The following CAMKMT variants were observed in gnomAD, a reference collection of about 807,000 sequenced individuals.
The protein encoded by CAMKMT is CaM KMT.
A neutral mutation model predicts 48.0 loss-of-function variants in CAMKMT; 53 were observed. That is an observed-to-expected ratio of 1.10 (90% CI 0.89 to 1.39). CAMKMT has a LOEUF of 1.39. Ranked by LOEUF, CAMKMT falls within the 40% of genes most tolerant of loss-of-function variation. CAMKMT has a pLI of 0.00. For missense variants in CAMKMT, 428 were observed against 402.7 expected (o/e 1.06, Z -0.54); for synonymous variants, 165 against 152.3 (o/e 1.08, Z -0.61).
At chr2:44,504,473 C>G (rs1015783023) in intron 3 of CAMKMT, among the ~76,000 whole-genome samples, 3 of 152,116 alleles carry the variant, frequency 2.0e-5, no homozygotes, top group African/African-American at 7.2e-5. Flanking sequence ...TGGCTTTAGA[C>G]AAGTGTAATT....
chr2:44,414,696 T>G (rs190589829), intron 3 of CAMKMT, among the ~76,000 whole-genome samples: 1 of 152,172 alleles, frequency 6.6e-6, no homozygotes, highest in Non-Finnish European at 1.5e-5. Context: ...GGTGGAAATA[T>G]GAAGATGCAA....
chr2:44,545,166 G>C (rs757785915), intron 3 of CAMKMT, among the ~76,000 whole-genome samples: 1 of 152,186 alleles, frequency 6.6e-6, no homozygotes, highest in Non-Finnish European at 1.5e-5. Context: ...CTCTGTCACG[G>C]TATGGGGCAA....
chr2:44,388,228 A>G (rs935823226), intron 2 of CAMKMT, among the ~76,000 whole-genome samples: 6 of 151,660 alleles, frequency 4.0e-5, no homozygotes. Flanking sequence ...TCTTTGTTGG[A>G]TTGGGTTAAT....
chr2:44,379,100 C>T (rs1382992534), intron 2 of CAMKMT, among the ~76,000 whole-genome samples: 1 of 152,166 alleles, frequency 6.6e-6, no homozygotes, highest in African/African-American at 2.4e-5. Context: ...CCCTGGCAAC[C>T]AGTACTTGAC....
chr2:44,477,743 A>G (rs1194056176), intron 3 of CAMKMT, among the ~76,000 whole-genome samples: 1 of 152,248 alleles, frequency 6.6e-6, no homozygotes, highest in Non-Finnish European at 1.5e-5. Context: ...ATTTGAAGAA[A>G]ATGGTGCCAG....
chr2:44,493,506 C>A (rs1669613095), intron 3 of CAMKMT, among the ~76,000 whole-genome samples: 1 of 152,094 alleles, frequency 6.6e-6, no homozygotes, highest in Admixed American at 6.5e-5. Context: ...GCTAATCAAA[C>A]TATTGATGGT....
intron 3 of CAMKMT, among the ~76,000 whole-genome samples, chr2:44,627,880 A>G (rs759219790): frequency 2.0e-5 from 3 of 151,280 alleles, no homozygotes; most frequent in Non-Finnish European, 4.4e-5. Context: ...TTGTATTTTT[A>G]GTAGAGACAG....
chr2:44,522,778 C>T (rs1181914181), intron 3 of CAMKMT, among the ~76,000 whole-genome samples: 2 of 152,194 alleles, frequency 1.3e-5, no homozygotes, highest in Non-Finnish European at 2.9e-5. Flanking sequence ...TACATTACCT[C>T]TAAATTTTGT....
intron 3 of CAMKMT, among the ~76,000 whole-genome samples, chr2:44,475,506 T>G (rs1304696442): frequency 2.0e-5 from 3 of 151,950 alleles, no homozygotes; most frequent in African/African-American, 7.3e-5. Flanking sequence ...TTAGTAGAGA[T>G]GGGGTTTCAC....
intron 3 of CAMKMT, among the ~76,000 whole-genome samples, chr2:44,430,006 A>G (rs1650073779): frequency 1.3e-5 from 2 of 152,068 alleles, no homozygotes; most frequent in Non-Finnish European, 2.9e-5. Context: ...CTCTTTATAG[A>G]GAAGCTCTCT....
At chr2:44,637,963 G>A (rs1204576630) in intron 3 of CAMKMT, among the ~76,000 whole-genome samples, 3 of 151,246 alleles carry the variant, frequency 2.0e-5, no homozygotes, top group African/African-American at 7.3e-5. Context: ...TACTTGGGAG[G>A]CTGAGGCAGG....
intron 3 of CAMKMT, chr2:44,549,651 A>T (rs767149035): frequency 6.7e-6 from 4 of 597,336 alleles, no homozygotes; most frequent in Non-Finnish European, 1.2e-5. Context: ...TTTAAGAAAC[A>T]CTTCGTGGCA....
intron 3 of CAMKMT, among the ~76,000 whole-genome samples, chr2:44,687,160 A>G (rs933269506): frequency 1.3e-5 from 2 of 152,206 alleles, no homozygotes; most frequent in African/African-American, 4.8e-5. Context: ...GGTATGTCTA[A>G]TGAAGTGTGT....
intron 3 of CAMKMT, among the ~76,000 whole-genome samples, chr2:44,503,836 C>T (rs541007947): frequency 6.6e-4 from 100 of 152,150 alleles, no homozygotes; most frequent in Middle Eastern, 3.4e-3. Flanking sequence ...ATCAAGGTGC[C>T]TCCAGATTCT....
chr2:44,549,562 G>T, intron 3 of CAMKMT: 1 of 694,454 alleles, frequency 1.4e-6, no homozygotes. Context: ...TAGACACAGG[G>T]TCTCACTCTG....
intron 3 of CAMKMT, among the ~76,000 whole-genome samples, chr2:44,457,568 T>C (rs1212148221): frequency 6.6e-6 from 1 of 151,890 alleles, no homozygotes; most frequent in Non-Finnish European, 1.5e-5. Context: ...CCGGCTAATT[T>C]TTGTATTTTT....
At chr2:44,407,230 C>T (rs548176623) in intron 3 of CAMKMT, among the ~76,000 whole-genome samples, 6 of 152,174 alleles carry the variant, frequency 3.9e-5, no homozygotes, top group Admixed American at 2.0e-4. Context: ...AATTTTGCTC[C>T]CTTCACAGCT....
At chr2:44,664,335 T>C (rs1233659226) in intron 3 of CAMKMT, among the ~76,000 whole-genome samples, 1 of 152,210 alleles carries the variant, frequency 6.6e-6, no homozygotes, top group African/African-American at 2.4e-5. Context: ...CATCTAACAT[T>C]GCTTGGAACA....
chr2:44,668,516 G>C (rs1675137910), intron 3 of CAMKMT, among the ~76,000 whole-genome samples: 2 of 152,136 alleles, frequency 1.3e-5, no homozygotes. Context: ...ACTCCACAGT[G>C]CCCTCTAGCT....
Sources: gnomAD v4.1 joint callset for allele counts (sites outside exome capture counted in the v4.1 genomes callset) on GRCh38, gnomAD v4.1.1 for gene constraint, MANE v1.5 for transcripts, NCBI Gene and HGNC (gene_info 2026-07-23, HGNC 2026-07-21) for gene names.